Variants in UGT1A3 observed in about 807,000 individuals in gnomAD.
UGT1A3 encodes UDP-glucuronosyltransferase 1A3.
UGT1A3 carries 31 observed loss-of-function variants against 41.0 expected under a neutral mutation model. That is an observed-to-expected ratio of 0.76 (90% confidence interval 0.57 to 1.02). UGT1A3 has a LOEUF of 1.02. Ranked by LOEUF, UGT1A3 falls within the 50% of genes least tolerant of loss-of-function variation. The pLI is 0.00. For synonymous variants in UGT1A3, 262 were observed against 257.6 expected (o/e 1.02, Z -0.17); for missense variants, 737 against 671.0 (o/e 1.10, Z -1.09).
At chr2:233,737,721 CT>C (rs1222184655) in intron 1 of UGT1A3, among the ~76,000 whole-genome samples, 14 of 151,438 alleles carry the variant, frequency 9.2e-5, no homozygotes, top group African/African-American at 1.9e-4. Flanking sequence ...CCAACACCTC[CT>C]TTTTTTTTCC....
rs551497641 is a variant in UGT1A3 at position 233,769,657 on chromosome 2, C to T, written c.1307+1218C>T. ...GGGAGGACTGATGACTGACTTCCCA[C>T]CTTTGAGGTGCTAATGTGTGTGTGG... On this transcript the variant is annotated intron_variant, in intron 4 of 4. Transcript: ENST00000482026. This position sits in a 1 kb window ranked among gnomAD's most constrained non-coding sequence, Gnocchi z 4.4. 6.2e-7 allele frequency: 1 copy of T among 1,602,246 alleles called. No individual in the cohort carries two copies. Among genetic ancestry groups the T allele is most frequent in the African/African-American group, 1.3e-5 (1 of 74,712 alleles).
Position 233,769,834 on chromosome 2 carries a change from G to T in UGT1A3, c.1307+1395G>T. ...CATGCCACTGCACTCCAGCAACCTG[G>T]GCAACAGAGTGAGACCCTGTCTCAA... On this transcript the variant is annotated intron_variant, in intron 4 of 4. Coordinates refer to ENST00000482026, the MANE Select transcript of UGT1A3 (RefSeq NM_019093.4). The surrounding 1 kb of genome is among the most constrained non-coding windows in gnomAD (Gnocchi z 4.4). 1.5e-6 allele frequency: 1 copy of T among 687,902 alleles called. No individual in the cohort carries two copies. The highest frequency in any genetic ancestry group is 2.2e-6 in the Non-Finnish European group (1 of 463,396). The allele number at this position is 687,902 out of a possible 1,614,324, so 42.6% of individuals were successfully genotyped here.
chr2:233,760,816 T>C (rs72551342), intron 1 of UGT1A3: 3 of 1,613,644 alleles, frequency 1.9e-6, no homozygotes, highest in South Asian at 1.1e-5. Flanking sequence ...TGCACTGCCA[T>C]GCAGCCTGGA....
intron 1 of UGT1A3, chr2:233,747,444 A>G: frequency 6.2e-7 from 1 of 1,609,016 alleles, no homozygotes; most frequent in East Asian, 2.2e-5. Flanking sequence ...TTTCACCCTG[A>G]CAACCTATGC....
intron 1 of UGT1A3, chr2:233,755,163 G>C: frequency 2.3e-6 from 3 of 1,285,674 alleles, no homozygotes; most frequent in Non-Finnish European, 3.2e-6. Flanking sequence ...CCTGTCCTCG[G>C]GGTTTTTGTC....
rs570797148 is a variant in UGT1A3, at chr2:233,754,249, G to A, written c.868-12785G>A. The A allele has an allele frequency of 1.1e-3, 192 of 168,812 alleles. 1 individual carries two copies. The South Asian group carries it at 0.012, about 11-fold the overall frequency. 10.5% of individuals were successfully genotyped at this position (168,812 alleles called of 1,614,324 possible). A position where few individuals can be genotyped will look rare whatever the true frequency, so the allele number is the denominator to read the frequency against. On this transcript the variant is annotated intron_variant, in intron 1 of 4. Coordinates refer to ENST00000482026, the MANE Select transcript of UGT1A3 (RefSeq NM_019093.4). ...ACCACCTGGCTCACACTTTCCCAAC[G>A]GAAAAAGGTAAGGCTCAAAGTGCTG...
chr2:233,736,477 G>T (rs565407070), intron 1 of UGT1A3, among the ~76,000 whole-genome samples: 1 of 152,272 alleles, frequency 6.6e-6, no homozygotes, highest in East Asian at 1.9e-4. Context: ...GCTTGGAGAG[G>T]TTTGTTACTA....
At chr2:233,758,385 T>C (rs1230615266) in intron 1 of UGT1A3, among the ~76,000 whole-genome samples, 2 of 152,262 alleles carry the variant, frequency 1.3e-5, no homozygotes, top group Admixed American at 6.5e-5. Flanking sequence ...TGGTGACTTA[T>C]GTGTTTATAG....
Position 233,729,973 on chromosome 2 carries a change from A to C in UGT1A3, c.847A>C (p.Asn283His). ...CTTCATTGGGGGCATCAACTGTGCC[A>C]ACAGGAAGCCACTATCTCAGGTCTG... Reference protein sequence around the residue: ...MVFIGGINCANRKPLSQEFEA... With the variant: ...MVFIGGINCAHRKPLSQEFEA... The change falls in exon 1 of 5, where the codon AAC (asparagine) becomes CAC (histidine). Residue 283 changes from asparagine to histidine, a missense_variant. Transcript: ENST00000482026. 6.2e-7 allele frequency: 1 copy of C among 1,614,080 alleles called. No individual in the cohort carries two copies. Among genetic ancestry groups the C allele is most frequent in the East Asian group, 2.2e-5 (1 of 44,890 alleles).
chr2:233,761,002 C>G, intron 1 of UGT1A3: 3 of 1,614,176 alleles, frequency 1.9e-6, no homozygotes, highest in Non-Finnish European at 2.5e-6. Flanking sequence ...AGAATTCCTT[C>G]AGAGAGAGGT....
chr2:233,754,390 C>G, intron 1 of UGT1A3: 1 of 303,204 alleles, frequency 3.3e-6, no homozygotes, highest in Admixed American at 4.5e-5. Flanking sequence ...AACAGAGGTC[C>G]TATCCGTGCA....
At chr2:233,742,690 G>A (rs1692069965) in intron 1 of UGT1A3, 1 of 152,442 alleles carries the variant, frequency 6.6e-6, no homozygotes, top group African/African-American at 2.4e-5. Flanking sequence ...CCTTCAGAGG[G>A]AACATGCTTC....
rs2126067607 is a variant in UGT1A3 at position 233,772,789 on chromosome 2, G to C, written c.*230G>C. 2 of 1,234,682 alleles carry C rather than the reference G, an allele frequency of 1.6e-6. No homozygotes were observed. Among genetic ancestry groups the C allele is most frequent in the Middle Eastern group, 2.9e-4 (1 of 3,420 alleles). The allele number at this position is 1,234,682 out of a possible 1,614,324, so 76.5% of individuals were successfully genotyped here. On this transcript the variant is annotated 3_prime_UTR_variant, in exon 5 of 5. Transcript: ENST00000482026. Reference sequence around the variant, plus strand: ...CCCCTCTGGTGTCTTTGATCAGGATGACATGTGCCATTTTTCAGAGGACGT... The same window carrying C: ...CCCCTCTGGTGTCTTTGATCAGGATCACATGTGCCATTTTTCAGAGGACGT...
Position 233,760,811 on chromosome 2 carries a change from T to A in UGT1A3, c.868-6223T>A, listed in dbSNP as rs72551341. The A allele has an allele frequency of 6.5e-5, 105 of 1,613,198 alleles. No individual in the cohort carries two copies. Among genetic ancestry groups the A allele is most frequent in the Non-Finnish European group, 7.5e-5 (89 of 1,179,336 alleles). The stretch of plus-strand genomic sequence containing the variant: ...CCCACTGTATTCTTCTTGCATGCAC[T>A]GCCATGCAGCCTGGAATTTGAGGCT... On this transcript the variant is annotated intron_variant, in intron 1 of 4. Coordinates refer to ENST00000482026, the MANE Select transcript of UGT1A3 (RefSeq NM_019093.4).
chr2:233,757,806 A>G (rs1052183239), intron 1 of UGT1A3, among the ~76,000 whole-genome samples: 1 of 151,788 alleles, frequency 6.6e-6, no homozygotes, highest in Non-Finnish European at 1.5e-5. Context: ...AGGAGATGAA[A>G]GGAGCTGGTA....
At chr2:233,760,155 C>A (rs2125979369) in intron 1 of UGT1A3, 1 of 1,487,916 alleles carries the variant, frequency 6.7e-7, no homozygotes, top group South Asian at 1.3e-5. Flanking sequence ...GAACTCCCTG[C>A]TACCTTTGTG....
intron 1 of UGT1A3, chr2:233,761,072 A>T (rs1451879441): frequency 1.2e-6 from 2 of 1,614,208 alleles, no homozygotes; most frequent in Non-Finnish European, 1.7e-6. Flanking sequence ...GACTTTGTGA[A>T]GGATTACCCT....
chr2:233,769,493 G>A lies in UGT1A3; in HGVS notation c.1307+1054G>A. ...TGTGTGTGTGTGCGTGTGTTTATGA[G>A]AGTGTCCATTGCTTTCTCCCATGGT... On this transcript the variant is annotated intron_variant, in intron 4 of 4. Coordinates refer to ENST00000482026, the MANE Select transcript of UGT1A3 (RefSeq NM_019093.4). The surrounding 1 kb of genome is among the most constrained non-coding windows in gnomAD (Gnocchi z 4.4). 1 of 1,612,700 alleles carries A rather than the reference G, an allele frequency of 6.2e-7. No homozygotes were observed. Among genetic ancestry groups the A allele is most frequent in the East Asian group, 2.2e-5 (1 of 44,876 alleles).
At chr2:233,730,052 G>T in intron 1 of UGT1A3, 59 bp downstream of exon 1, 3 of 1,612,052 alleles carry the variant, frequency 1.9e-6, no homozygotes, top group Non-Finnish European at 2.5e-6. Flanking sequence ...TTAAAAAAAT[G>T]TATTTATTTA....
Sources: gnomAD v4.1 joint callset for allele counts (sites outside exome capture counted in the v4.1 genomes callset) on GRCh38, gnomAD v4.1.1 for gene constraint, Gnocchi (gnomAD v3.1) non-coding constraint, MANE v1.5 for transcripts, NCBI Gene and HGNC (gene_info 2026-07-23, HGNC 2026-07-21) for gene names.